Variants in ENDOD1 observed in about 807,000 individuals in gnomAD.
ENDOD1 encodes endonuclease domain-containing 1 protein.
ENDOD1 carries 9 observed loss-of-function variants against 6.5 expected under a neutral mutation model. The ratio of observed to expected loss-of-function variants is 1.39; its 90% CI spans 0.84 to 2.43. The LOEUF (loss-of-function observed/expected upper bound fraction) is 2.43, where lower values mean the gene tolerates loss of function less well. ENDOD1 is among the 30% of genes most tolerant of loss of function. The pLI, the probability that ENDOD1 is intolerant of heterozygous loss-of-function variation, is 0.00. For synonymous variants in ENDOD1, 255 were observed against 255.2 expected, an observed-to-expected ratio of 1.00 and a Z score of 0.01; for missense variants, 648 against 635.5, an observed-to-expected ratio of 1.02 and a Z score of -0.21.
rs1859360926 is a variant in ENDOD1, at chr11:95,130,513, A to T, written c.*934A>T. The stretch of plus-strand genomic sequence containing the variant: ...TGAAAGATCTATATGTTAAGCTAAC[A>T]TGAAAATTCATATTCTGCAACATAG... On this transcript the variant is annotated 3_prime_UTR_variant, in exon 2 of 2. Coordinates refer to ENST00000278505, the MANE Select transcript of ENDOD1 (RefSeq NM_015036.3). 1 of 152,340 alleles carries T rather than the reference A, an allele frequency of 6.6e-6. No homozygotes were observed. Among genetic ancestry groups the T allele is most frequent in the South Asian group, 2.1e-4 (1 of 4,826 alleles). 9.4% of individuals were successfully genotyped at this position (152,340 alleles called of 1,614,324 possible). A position where few individuals can be genotyped will look rare whatever the true frequency, so the allele number is the denominator to read the frequency against.
In ENDOD1 at chr11:95,091,889, C is replaced by T. The variant is rs559187514; in HGVS notation, c.300+1662C>T. Among the ~76,000 whole-genome samples the T allele has an allele frequency of 4.1e-4, 62 of 152,104 alleles. 1 individual carries two copies. The highest frequency in any genetic ancestry group is 1.4e-3 in the African/African-American group (60 of 41,496). The stretch of plus-strand genomic sequence containing the variant: ...TCCACTGACTAGCTATGAACTTGGG[C>T]AGGTTAAATTGGAGATAATAGCATA... On this transcript the variant is annotated intron_variant, in intron 1 of 1. Transcript: ENST00000278505.
Position 95,124,421 on chromosome 11 carries a change from A to G in ENDOD1, c.301-3956A>G, listed in dbSNP as rs535788538. 3.3e-4 allele frequency among the ~76,000 whole-genome samples: 50 copies of G among 152,310 alleles called. 2 individuals are homozygous for G. Among genetic ancestry groups the G allele is most frequent in the African/African-American group, 1.1e-3 (47 of 41,572 alleles). ...TATAGTAGCCAGATATTCTGTCTCA[A>G]TTTTAAACACTATGTTCTATCTTGT... On this transcript the variant is annotated intron_variant, in intron 1 of 1. Coordinates refer to ENST00000278505, the MANE Select transcript of ENDOD1 (RefSeq NM_015036.3).
intron 1 of ENDOD1, among the ~76,000 whole-genome samples, chr11:95,097,259 T>C (rs1952484528): frequency 6.6e-6 from 1 of 152,104 alleles, no homozygotes; most frequent in Non-Finnish European, 1.5e-5. Flanking sequence ...AAACAAGGTT[T>C]CCATCCAGGG....
chr11:95,093,596 A>C (rs1218593293), intron 1 of ENDOD1, among the ~76,000 whole-genome samples: 1 of 152,198 alleles, frequency 6.6e-6, no homozygotes. Flanking sequence ...AGGAATGATG[A>C]TTGCATCTTA....
chr11:95,096,694 T>A (rs535809930), intron 1 of ENDOD1, among the ~76,000 whole-genome samples: 23 of 152,308 alleles, frequency 1.5e-4, no homozygotes, highest in Non-Finnish European at 2.9e-4. Flanking sequence ...CCTAATGCTT[T>A]AAGAAAGCCC....
At chr11:95,118,966 C>A (rs1337374535) in intron 1 of ENDOD1, among the ~76,000 whole-genome samples, 3 of 152,188 alleles carry the variant, frequency 2.0e-5, no homozygotes, top group African/African-American at 7.2e-5. Context: ...ATGCATTCTT[C>A]AGTATGTCAA....
intron 1 of ENDOD1, among the ~76,000 whole-genome samples, chr11:95,106,473 G>A (rs781979370): frequency 6.6e-6 from 1 of 152,210 alleles, no homozygotes; most frequent in Non-Finnish European, 1.5e-5. Flanking sequence ...GGAGGCCTAT[G>A]AATATGCCAG....
intron 1 of ENDOD1, among the ~76,000 whole-genome samples, chr11:95,098,669 T>C (rs1370585357): frequency 5.9e-5 from 9 of 151,800 alleles, no homozygotes; most frequent in African/African-American, 2.2e-4. Context: ...TGGATGCTTA[T>C]CATATGGCAG....
chr11:95,100,865 G>GTTTTTTTTTTTTTTTTT (rs34680715), intron 1 of ENDOD1, among the ~76,000 whole-genome samples: 1 of 72,290 alleles, frequency 1.4e-5, no homozygotes, highest in Non-Finnish European at 2.4e-5. Context: ...CCTGCTGGGT[G>GTTTTTTTTTTTTTTTTT]TTTTTTTTTT....
At chr11:95,119,370 A>G (rs557178863) in intron 1 of ENDOD1, among the ~76,000 whole-genome samples, 4 of 152,352 alleles carry the variant, frequency 2.6e-5, no homozygotes, top group African/African-American at 9.6e-5. Flanking sequence ...TATCTGCTTT[A>G]GGGGGCATCC....
chr11:95,127,803 C>T (rs566477), intron 1 of ENDOD1, among the ~76,000 whole-genome samples: 60,330 of 151,794 alleles, frequency 0.4, 12,495 homozygotes, highest in East Asian at 0.63. Flanking sequence ...TCTGTTGCCC[C>T]GGCTGGAGTA....
At chr11:95,095,035 G>A (rs984513397) in intron 1 of ENDOD1, among the ~76,000 whole-genome samples, 2 of 140,904 alleles carry the variant, frequency 1.4e-5, no homozygotes, top group East Asian at 2.0e-4. Flanking sequence ...GGTGCTAGGC[G>A]TGTGCACGCA....
chr11:95,095,043 GCACA>G (rs56010766), intron 1 of ENDOD1, among the ~76,000 whole-genome samples: 5,126 of 147,938 alleles, frequency 0.035, 141 homozygotes, highest in African/African-American at 0.072. Flanking sequence ...GCGTGTGCAC[GCACA>G]CACACACACA....
At chr11:95,106,558 T>G (rs1555111414) in intron 1 of ENDOD1, among the ~76,000 whole-genome samples, 1 of 152,152 alleles carries the variant, frequency 6.6e-6, no homozygotes, top group Admixed American at 6.5e-5. Context: ...GGAATATGCA[T>G]AGCAAAAGTA....
At chr11:95,126,057 T>C (rs985133450) in intron 1 of ENDOD1, among the ~76,000 whole-genome samples, 1 of 152,146 alleles carries the variant, frequency 6.6e-6, no homozygotes, top group African/African-American at 2.4e-5. Context: ...TGGTAGCAGG[T>C]GAAGAGTACC....
chr11:95,122,971 T>C (rs1319671009), intron 1 of ENDOD1, among the ~76,000 whole-genome samples: 1 of 151,968 alleles, frequency 6.6e-6, no homozygotes, highest in African/African-American at 2.4e-5. Flanking sequence ...GGCAGATCAC[T>C]TGAGGTCAGG....
chr11:95,105,936 G>A (rs999522534), intron 1 of ENDOD1, among the ~76,000 whole-genome samples: 17 of 152,264 alleles, frequency 1.1e-4, no homozygotes, highest in Non-Finnish European at 2.4e-4. Context: ...GGCCTGTGGG[G>A]TAAGGGTAGG....
intron 1 of ENDOD1, among the ~76,000 whole-genome samples, chr11:95,114,363 A>G (rs1247491155): frequency 2.0e-5 from 3 of 147,556 alleles, no homozygotes; most frequent in Non-Finnish European, 2.9e-5. Flanking sequence ...TTTTTTTCCT[A>G]TGGAGTTGTT....
At chr11:95,118,449 T>A (rs1555112679) in intron 1 of ENDOD1, among the ~76,000 whole-genome samples, 1 of 142,880 alleles carries the variant, frequency 7.0e-6, no homozygotes, top group South Asian at 2.1e-4. Flanking sequence ...AGGGTAATAG[T>A]TTTTTTCGTT....
Sources: gnomAD v4.1 joint callset for allele counts (sites outside exome capture counted in the v4.1 genomes callset) on GRCh38, gnomAD v4.1.1 for gene constraint, MANE v1.5 for transcripts, NCBI Gene and HGNC (gene_info 2026-07-23, HGNC 2026-07-21) for gene names.